GLIS3: variants seen among roughly 807,000 people sequenced by gnomAD.
GLIS3 encodes the protein zinc finger protein GLIS3.
Under a neutral mutation model 78.6 loss-of-function variants are expected in GLIS3, and 53 were observed. That is an observed-to-expected ratio of 0.67 (90% CI 0.54 to 0.85). The LOEUF (loss-of-function observed/expected upper bound fraction) is 0.85. Among genes scored for constraint, GLIS3 ranks in the 40% least tolerant of loss-of-function variants. The pLI is 0.00. For missense variants in GLIS3, 1,703 were observed against 1,231.1 expected, an observed-to-expected ratio of 1.38 and a Z score of -5.74; for synonymous variants, 684 against 509.9, an observed-to-expected ratio of 1.34 and a Z score of -4.60.
intron 2 of GLIS3, among the ~76,000 whole-genome samples, chr9:4,201,010 G>A (rs945200934): frequency 2.0e-4 from 30 of 152,266 alleles, no homozygotes; most frequent in African/African-American, 7.0e-4. Context: ...CTTCATTCCT[G>A]GGATGCAAGA....
intron 2 of GLIS3, among the ~76,000 whole-genome samples, chr9:4,172,372 C>G (rs1236192068): frequency 6.6e-6 from 1 of 152,114 alleles, no homozygotes; most frequent in African/African-American, 2.4e-5. Context: ...GTCACTAGGT[C>G]TCCATACTGA....
the GLIS3 span, among the ~76,000 whole-genome samples, chr9:4,405,226 C>T: frequency 2.0e-5 from 3 of 152,034 alleles, no homozygotes; most frequent in South Asian, 2.1e-4. Flanking sequence ...TGGTGGTGCA[C>T]GCCTATAATC....
chr9:4,012,285 T>A (rs1189954342), intron 4 of GLIS3, among the ~76,000 whole-genome samples: 1 of 152,168 alleles, frequency 6.6e-6, no homozygotes, highest in East Asian at 1.9e-4. Flanking sequence ...GCCTGGTGAA[T>A]AAACAAACCG....
At chr9:3,898,016 C>T (rs912843815) in intron 7 of GLIS3, among the ~76,000 whole-genome samples, 3 of 152,270 alleles carry the variant, frequency 2.0e-5, no homozygotes, top group Non-Finnish European at 2.9e-5. Context: ...ATTATGTTTG[C>T]ATAAGTATAT....
the GLIS3 span, among the ~76,000 whole-genome samples, chr9:4,394,116 A>G: frequency 6.6e-6 from 1 of 151,918 alleles, no homozygotes; most frequent in Middle Eastern, 3.4e-3. Context: ...TTTTGACTGA[A>G]TTTATTTCTA....
chr9:3,870,352 G>A (rs1820892151), intron 8 of GLIS3, among the ~76,000 whole-genome samples: 2 of 152,056 alleles, frequency 1.3e-5, no homozygotes, highest in Non-Finnish European at 2.9e-5. Flanking sequence ...GATGACCACT[G>A]GGCCAAAGAG....
At chr9:3,951,407 A>T (rs1816667699) in intron 4 of GLIS3, among the ~76,000 whole-genome samples, 3 of 152,060 alleles carry the variant, frequency 2.0e-5, no homozygotes, top group African/African-American at 7.2e-5. Context: ...GAAAAAAAAA[A>T]AAGCAAGGCA....
intron 2 of GLIS3, among the ~76,000 whole-genome samples, chr9:4,155,354 C>T (rs571148495): frequency 1.8e-4 from 28 of 152,334 alleles, no homozygotes; most frequent in African/African-American, 6.7e-4. Context: ...GAACCACTGA[C>T]CCATTACATG....
the GLIS3 span, among the ~76,000 whole-genome samples, chr9:4,415,776 T>C: frequency 1.4e-5 from 2 of 148,058 alleles, no homozygotes; most frequent in African/African-American, 2.5e-5. Flanking sequence ...ATCATATACA[T>C]ATTTTTTAAA....
chr9:3,932,676 G>A lies in GLIS3; in HGVS notation c.1873-206C>T, dbSNP rs1380351881. 1.3e-5 allele frequency: 7 copies of A among 529,536 alleles called. No homozygotes were observed. In the African/African-American group the frequency reaches 1.3e-4, roughly 10 times the overall value. The allele number at this position is 529,536 out of a possible 1,614,324, so 32.8% of individuals were successfully genotyped here. ...GAAGGGTAAACTTTCAAGGAACAAA[G>A]AGATGCCCTATCCTTGATGATTTCT... On this transcript the variant is annotated intron_variant, in intron 5 of 10. Transcript: ENST00000381971.
intron 4 of GLIS3, among the ~76,000 whole-genome samples, chr9:3,948,303 C>G (rs1324325954): frequency 6.6e-6 from 1 of 152,190 alleles, no homozygotes; most frequent in African/African-American, 2.4e-5. Context: ...TATCCCATTT[C>G]TGAATGTCTC....
the GLIS3 span, among the ~76,000 whole-genome samples, chr9:4,388,549 G>A: frequency 1.3e-5 from 2 of 152,022 alleles, no homozygotes; most frequent in South Asian, 2.1e-4. Flanking sequence ...GGTGGCGTGT[G>A]CCTGTAATCC....
At chr9:4,466,151 A>G in the GLIS3 span, among the ~76,000 whole-genome samples, 3 of 152,248 alleles carry the variant, frequency 2.0e-5, no homozygotes. Flanking sequence ...AAGGACCTTA[A>G]AGATACAAGG....
At chr9:4,375,213 G>T in the GLIS3 span, among the ~76,000 whole-genome samples, 2 of 152,180 alleles carry the variant, frequency 1.3e-5, no homozygotes, top group Admixed American at 1.3e-4. Context: ...GGTTTGAAGG[G>T]AAGGGGAGTT....
intron 2 of GLIS3, among the ~76,000 whole-genome samples, chr9:4,259,641 G>A (rs1825323327): frequency 6.6e-6 from 1 of 152,160 alleles, no homozygotes; most frequent in South Asian, 2.1e-4. Flanking sequence ...TTGCAATGGT[G>A]TTATGCAAGA....
intron 4 of GLIS3, among the ~76,000 whole-genome samples, chr9:4,116,413 T>G (rs749068421): frequency 6.6e-6 from 1 of 152,250 alleles, no homozygotes; most frequent in Non-Finnish European, 1.5e-5. Flanking sequence ...TCATATAACC[T>G]GGCATTCTCG....
intron 2 of GLIS3, among the ~76,000 whole-genome samples, chr9:4,235,055 T>C (rs1204936377): frequency 6.6e-6 from 1 of 152,046 alleles, no homozygotes; most frequent in Non-Finnish European, 1.5e-5. Context: ...TCCCCACACT[T>C]TGGGAGGCCG....
the GLIS3 span, among the ~76,000 whole-genome samples, chr9:4,404,672 T>A: frequency 6.6e-6 from 1 of 151,962 alleles, no homozygotes; most frequent in Non-Finnish European, 1.5e-5. Flanking sequence ...TTGAAACAAA[T>A]GATAACGGAA....
chr9:4,006,859 C>G (rs1821592233), intron 4 of GLIS3, among the ~76,000 whole-genome samples: 1 of 152,178 alleles, frequency 6.6e-6, no homozygotes, highest in African/African-American at 2.4e-5. Flanking sequence ...ATCAAAAACT[C>G]CTACGGTGCT....
Sources: allele counts gnomAD v4.1 joint callset (sites outside exome capture counted in the v4.1 genomes callset), GRCh38; gene constraint gnomAD v4.1.1; transcripts MANE v1.5; gene names NCBI Gene and HGNC (gene_info 2026-07-23, HGNC 2026-07-21).